The following AGMO variants were observed in gnomAD, a reference collection of about 807,000 sequenced individuals.
AGMO encodes the protein glyceryl-ether monooxygenase.
Under a neutral mutation model 60.2 loss-of-function variants are expected in AGMO, and 75 were observed. That is an observed-to-expected ratio of 1.25 (90% CI 1.03 to 1.51). The LOEUF (loss-of-function observed/expected upper bound fraction) is 1.51, where lower values mean the gene tolerates loss of function less well. Ranked by LOEUF, AGMO falls within the 40% of genes most tolerant of loss-of-function variation. The pLI is 0.00. For synonymous variants in AGMO, 261 were observed against 177.1 expected (o/e 1.47, Z -3.76); for missense variants, 763 against 525.5 (o/e 1.45, Z -4.42).
At chr7:15,281,794 A>C (rs1253499947) in intron 12 of AGMO, among the ~76,000 whole-genome samples, 1 of 152,182 alleles carries the variant, frequency 6.6e-6, no homozygotes, top group Non-Finnish European at 1.5e-5. Flanking sequence ...ATTGAGGGGA[A>C]AATAGATTTT....
chr7:15,390,135 C>T (rs182992151), intron 8 of AGMO, among the ~76,000 whole-genome samples: 5 of 152,098 alleles, frequency 3.3e-5, no homozygotes, highest in Admixed American at 6.6e-5. Flanking sequence ...TGCCAACCAT[C>T]GAGACCAATG....
chr7:15,357,335 T>G (rs1782578032), intron 12 of AGMO, among the ~76,000 whole-genome samples: 1 of 151,882 alleles, frequency 6.6e-6, no homozygotes, highest in African/African-American at 2.4e-5. Context: ...AGATAAACAG[T>G]TGAAATGACT....
intron 12 of AGMO, chr7:15,306,202 C>A: frequency 4.6e-6 from 1 of 215,442 alleles, no homozygotes; most frequent in South Asian, 6.0e-5. Flanking sequence ...AAAACTTTGA[C>A]ATGCACTGAC....
At chr7:15,165,725 A>ATTAATT in the AGMO span, among the ~76,000 whole-genome samples, 1 of 152,154 alleles carries the variant, frequency 6.6e-6, no homozygotes, top group Non-Finnish European at 1.5e-5. Context: ...ATCTCTTAAA[A>ATTAATT]TGGGATATAA....
chr7:15,336,640 A>G (rs1781671827), intron 12 of AGMO, among the ~76,000 whole-genome samples: 1 of 152,200 alleles, frequency 6.6e-6, no homozygotes, highest in African/African-American at 2.4e-5. Flanking sequence ...TAGATTGTAG[A>G]ATATGGGCTG....
Position 15,378,741 on chromosome 7 carries a change from T to C in AGMO, c.1074+6705A>G, listed in dbSNP as rs550004857. Among the ~76,000 whole-genome samples, 256 of 107,226 alleles carry C rather than the reference T, an allele frequency of 2.4e-3. 2 individuals carry two copies. The highest frequency in any genetic ancestry group is 8.5e-3 in the African/African-American group (239 of 28,084). The allele number at this position is 107,226 out of a possible 152,430, so 70.3% of individuals were successfully genotyped here. On this transcript the variant is annotated intron_variant, in intron 10 of 12. Coordinates refer to ENST00000342526, the MANE Select transcript of AGMO (RefSeq NM_001004320.2). ...CCACCCAGAGTTCTGGGTGGCAAAA[T>C]TCTATAGTGCCTTTCTAATCTCAGT...
chr7:15,268,453 T>C (rs188694216), intron 12 of AGMO, among the ~76,000 whole-genome samples: 8 of 152,154 alleles, frequency 5.3e-5, no homozygotes, highest in Admixed American at 3.9e-4. Context: ...CTGTTATCAA[T>C]ATTTCAAAAA....
chr7:15,218,742 A>G (rs1020492647), intron 12 of AGMO, among the ~76,000 whole-genome samples: 8 of 152,158 alleles, frequency 5.3e-5, no homozygotes, highest in Non-Finnish European at 7.3e-5. Context: ...GGCCTGAGAG[A>G]CAGATCAGAC....
At chr7:15,532,070 G>C (rs542618194) in intron 3 of AGMO, among the ~76,000 whole-genome samples, 1 of 152,206 alleles carries the variant, frequency 6.6e-6, no homozygotes, top group Non-Finnish European at 1.5e-5. Flanking sequence ...ACTATAATAT[G>C]ACTGCAATAC....
In AGMO at chr7:15,201,315, C is replaced by CA; in HGVS notation, c.1307dup (p.Met436IlefsTer13). 1.2e-6 allele frequency: 2 copies of CA among 1,612,654 alleles called. No homozygotes were observed. The highest frequency in any genetic ancestry group is 8.5e-7 in the Non-Finnish European group (1 of 1,179,360). ...TCCAAGGGTGAGAGGTGAGTTGTTT[C>CA]ATGCTTCTAACTCCCCAGAAAGCAA... is the stretch of plus-strand genomic sequence containing the variant. On this transcript the variant is annotated frameshift_variant, in exon 13 of 13. Transcript: ENST00000342526. LOFTEE classifies it high-confidence loss of function.
At chr7:15,370,964 T>C (rs1354553736) in intron 10 of AGMO, among the ~76,000 whole-genome samples, 2 of 152,146 alleles carry the variant, frequency 1.3e-5, no homozygotes, top group Non-Finnish European at 2.9e-5. Flanking sequence ...ATTATTTCCC[T>C]AGGCCAATGT....
the AGMO span, among the ~76,000 whole-genome samples, chr7:15,147,597 C>T: frequency 3.9e-5 from 6 of 152,088 alleles, no homozygotes; most frequent in African/African-American, 1.4e-4. Context: ...CAAACCATAC[C>T]ATACCCATTA....
chr7:15,289,666 C>T (rs371974155), intron 12 of AGMO, among the ~76,000 whole-genome samples: 56 of 152,172 alleles, frequency 3.7e-4, no homozygotes, highest in African/African-American at 1.3e-3. Flanking sequence ...CTTCTACCTA[C>T]TTCCCTGGAA....
In AGMO at chr7:15,430,990, T is replaced by C; in HGVS notation, c.513+15A>G. 6.8e-7 allele frequency: 1 copy of C among 1,479,592 alleles called. No individual in the cohort carries two copies. The highest frequency in any genetic ancestry group is 9.3e-7 in the Non-Finnish European group (1 of 1,079,632). The allele number at this position is 1,479,592 out of a possible 1,614,324, so 91.7% of individuals were successfully genotyped here. Reference sequence around the variant, plus strand: ...AAATTAGATTACCATGTTTATTCCATTTCATACAACTTACCCAGGAAGTAT... The same window carrying C: ...AAATTAGATTACCATGTTTATTCCACTTCATACAACTTACCCAGGAAGTAT... On this transcript the variant is annotated intron_variant, in intron 4 of 12. Coordinates refer to ENST00000342526, the MANE Select transcript of AGMO (RefSeq NM_001004320.2).
chr7:15,359,925 G>C (rs866754250), intron 12 of AGMO, among the ~76,000 whole-genome samples: 1 of 152,082 alleles, frequency 6.6e-6, no homozygotes, highest in Non-Finnish European at 1.5e-5. Flanking sequence ...AACTAACTGG[G>C]AAAAGGAGAA....
chr7:15,215,775 A>G (rs1411679313), intron 12 of AGMO, among the ~76,000 whole-genome samples: 1 of 152,040 alleles, frequency 6.6e-6, no homozygotes, highest in Non-Finnish European at 1.5e-5. Context: ...CATTAACTTG[A>G]GGGTTTTAGG....
chr7:15,397,939 CTATT>C (rs1477015832), intron 5 of AGMO, among the ~76,000 whole-genome samples: 2 of 152,168 alleles, frequency 1.3e-5, no homozygotes, highest in African/African-American at 2.4e-5. Flanking sequence ...TGGTGAAAAA[CTATT>C]TGTTAAGAAA....
At chr7:15,354,423 C>CGTGTGTAT (rs1371289072) in intron 12 of AGMO, among the ~76,000 whole-genome samples, 1 of 27,462 alleles carries the variant, frequency 3.6e-5, no homozygotes, top group Admixed American at 3.5e-4. Context: ...TGTGTGTATA[C>CGTGTGTAT]ACACACGTGT....
intron 4 of AGMO, among the ~76,000 whole-genome samples, chr7:15,424,264 C>CTTTTTTTTTTTTT (rs1562499854): frequency 6.6e-6 from 1 of 152,050 alleles, no homozygotes; most frequent in African/African-American, 2.4e-5. Context: ...TCACTTCTTA[C>CTTTTTTTTTTTTT]TTATCTTTAT....
Sources: gnomAD v4.1 joint callset for allele counts (sites outside exome capture counted in the v4.1 genomes callset) on GRCh38, gnomAD v4.1.1 for gene constraint, MANE v1.5 for transcripts, NCBI Gene and HGNC (gene_info 2026-07-23, HGNC 2026-07-21) for gene names.